TFEC: variants seen among roughly 807,000 people sequenced by gnomAD.
The protein encoded by TFEC is transcription factor EC.
A neutral mutation model predicts 41.6 loss-of-function variants in TFEC; 31 were observed. The ratio of observed to expected loss-of-function variants is 0.74; its 90% CI spans 0.56 to 1.01. The LOEUF is 1.01. Among genes scored for constraint, TFEC ranks in the 50% least tolerant of loss-of-function variants. The probability of loss-of-function intolerance (pLI) is 0.00; values close to 1 mark genes in which losing one functional copy is unlikely to be tolerated. For synonymous variants in TFEC, 143 were observed against 140.6 expected, an observed-to-expected ratio of 1.02 and a Z score of -0.12; for missense variants, 402 against 404.1, an observed-to-expected ratio of 0.99 and a Z score of 0.04.
intron 1 of TFEC, among the ~76,000 whole-genome samples, chr7:116,126,819 A>G (rs1235960133): frequency 6.6e-6 from 1 of 152,216 alleles, no homozygotes; most frequent in Admixed American, 6.5e-5. Context: ...TTCAACAAAA[A>G]GAGAACAAAT....
At chr7:116,155,840 T>C (rs562379535) in intron 1 of TFEC, among the ~76,000 whole-genome samples, 3 of 152,190 alleles carry the variant, frequency 2.0e-5, no homozygotes, top group Non-Finnish European at 4.4e-5. Context: ...ATGCCCTGCT[T>C]TTCCCCAGCT....
At chr7:116,072,601 T>C (rs975584511) in intron 3 of TFEC, among the ~76,000 whole-genome samples, 6 of 151,642 alleles carry the variant, frequency 4.0e-5, no homozygotes, top group Admixed American at 6.6e-5. Flanking sequence ...AAGATACATA[T>C]TATTTAAAAG....
chr7:116,108,066 A>G (rs983064286), intron 3 of TFEC, among the ~76,000 whole-genome samples: 9 of 152,244 alleles, frequency 5.9e-5, no homozygotes. Flanking sequence ...TTTCATTAAA[A>G]CCCTACTGGC....
intron 1 of TFEC, among the ~76,000 whole-genome samples, chr7:115,996,389 T>C (rs551028226): frequency 6.6e-6 from 1 of 152,094 alleles, no homozygotes; most frequent in East Asian, 1.9e-4. Flanking sequence ...ATCTTTAAAA[T>C]GCTAATTAGA....
chr7:116,068,834 T>G (rs1796756658), intron 3 of TFEC, among the ~76,000 whole-genome samples: 1 of 151,624 alleles, frequency 6.6e-6, no homozygotes, highest in South Asian at 2.1e-4. Flanking sequence ...CTTTCTCTCA[T>G]TTTTCGCTGT....
intron 3 of TFEC, among the ~76,000 whole-genome samples, chr7:116,045,502 G>A (rs1338692549): frequency 1.3e-5 from 2 of 152,244 alleles, no homozygotes; most frequent in Non-Finnish European, 2.9e-5. Flanking sequence ...CTTCCACTTG[G>A]TGTTGAGCCT....
chr7:116,096,572 G>C (rs772460493), intron 3 of TFEC, among the ~76,000 whole-genome samples: 4 of 151,066 alleles, frequency 2.6e-5, no homozygotes, highest in Non-Finnish European at 5.9e-5. Context: ...ATGATACTGA[G>C]AGTCCTCTTA....
intron 3 of TFEC, among the ~76,000 whole-genome samples, chr7:116,078,065 TATATC>T (rs1221106191): frequency 3.3e-5 from 5 of 151,968 alleles, no homozygotes; most frequent in Admixed American, 6.6e-5. Context: ...AAATCAAAAT[TATATC>T]AAATACTCTC....
chr7:116,049,973 T>C (rs1215201086), intron 3 of TFEC, among the ~76,000 whole-genome samples: 1 of 152,154 alleles, frequency 6.6e-6, no homozygotes, highest in Non-Finnish European at 1.5e-5. Context: ...GGGACACATT[T>C]AAAGCAGTGT....
At chr7:115,992,986 C>T (rs944860349) in intron 1 of TFEC, among the ~76,000 whole-genome samples, 1 of 152,186 alleles carries the variant, frequency 6.6e-6, no homozygotes, top group Non-Finnish European at 1.5e-5. Context: ...TCCAGCAGCA[C>T]ATTAAAAAGC....
At chr7:116,082,700 G>A (rs1343941816) in intron 3 of TFEC, among the ~76,000 whole-genome samples, 1 of 151,334 alleles carries the variant, frequency 6.6e-6, no homozygotes, top group African/African-American at 2.4e-5. Context: ...AATTTTTTTT[G>A]GCAAACATTA....
chr7:115,986,477 A>C (rs1306926718), intron 1 of TFEC, among the ~76,000 whole-genome samples: 2 of 152,166 alleles, frequency 1.3e-5, no homozygotes, highest in East Asian at 3.9e-4. Context: ...AAATGTTCAC[A>C]ATGCAAAGCA....
chr7:116,097,268 A>T (rs1264218075), intron 3 of TFEC, among the ~76,000 whole-genome samples: 2 of 152,106 alleles, frequency 1.3e-5, no homozygotes. Flanking sequence ...CCATGGGAGG[A>T]TATGTTCTAA....
At chr7:116,010,934 T>C (rs1794978388) in intron 1 of TFEC, among the ~76,000 whole-genome samples, 2 of 152,160 alleles carry the variant, frequency 1.3e-5, no homozygotes, top group Admixed American at 6.6e-5. Flanking sequence ...TCCAACACTA[T>C]TATAACTTTC....
chr7:115,952,653 A>C (rs927097995), intron 5 of TFEC, among the ~76,000 whole-genome samples: 1 of 152,126 alleles, frequency 6.6e-6, no homozygotes, highest in Non-Finnish European at 1.5e-5. Flanking sequence ...TTAGAATGAG[A>C]AATCTGGCTC....
chr7:115,948,418 C>T (rs1791730083), intron 6 of TFEC, among the ~76,000 whole-genome samples: 1 of 152,028 alleles, frequency 6.6e-6, no homozygotes, highest in African/African-American at 2.4e-5. Flanking sequence ...TAGACCAATA[C>T]ACTTGATGAA....
Position 116,128,454 on chromosome 7 carries a change from C to T in TFEC, c.-68-16416G>A, listed in dbSNP as rs142191657. Among the ~76,000 whole-genome samples, 73 of 151,962 alleles carry T rather than the reference C, an allele frequency of 4.8e-4. 1 individual carries two copies. The East Asian group carries it at 0.012, about 25-fold the overall frequency. On this transcript the variant is annotated intron_variant, in intron 1 of 8. Transcript: ENST00000484212. ...TATTCAACAAGAATATAACTGATGC[C>T]GGGGGAAGGTGTGGTTTATATGAAA...
intron 5 of TFEC, among the ~76,000 whole-genome samples, chr7:115,953,439 T>C (rs1358069954): frequency 1.3e-5 from 2 of 152,068 alleles, no homozygotes; most frequent in Admixed American, 1.3e-4. Flanking sequence ...CAAGATGATG[T>C]AGCAGGTGTA....
Position 115,997,037 on chromosome 7 carries a change from G to A in TFEC, c.-72-12524C>T, listed in dbSNP as rs566559612. Among the ~76,000 whole-genome samples the A allele has an allele frequency of 3.9e-5, 6 of 152,258 alleles. No homozygotes were observed. The East Asian group carries it at 1.2e-3, about 30-fold the overall frequency. ...ACCCTGAGGGTGAGGACACAAGTCT[G>A]GCTGACTTTACTACCTGCTGATTGT... On this transcript the variant is annotated intron_variant, in intron 1 of 7. Coordinates refer to ENST00000265440, the MANE Select transcript of TFEC (RefSeq NM_012252.4).
Sources: gnomAD v4.1 joint callset for allele counts (sites outside exome capture counted in the v4.1 genomes callset) on GRCh38, gnomAD v4.1.1 for gene constraint, MANE v1.5 for transcripts, NCBI Gene and HGNC (gene_info 2026-07-23, HGNC 2026-07-21) for gene names.